The following ADAMTSL1 variants were observed in gnomAD, a reference collection of about 807,000 sequenced individuals.
The protein encoded by ADAMTSL1 is ADAMTS-like protein 1.
In ADAMTSL1, 126 loss-of-function variants were observed where a neutral mutation model predicts 201.8. The observed-to-expected ratio is 0.62, with a 90% CI of 0.54 to 0.72. The LOEUF (loss-of-function observed/expected upper bound fraction) is 0.72, where lower values mean the gene tolerates loss of function less well. Ranked by LOEUF, ADAMTSL1 falls within the 30% of genes least tolerant of loss-of-function variation. ADAMTSL1 has a pLI of 0.00. For missense variants in ADAMTSL1, 2,679 were observed against 2,277.8 expected (o/e 1.18, Z -3.59); for synonymous variants, 1,121 against 903.4 (o/e 1.24, Z -4.32).
chr9:17,937,157 C>G (rs903383292), intron 1 of ADAMTSL1, among the ~76,000 whole-genome samples: 5 of 152,138 alleles, frequency 3.3e-5, no homozygotes, highest in Non-Finnish European at 5.9e-5. Flanking sequence ...AAACAATAAG[C>G]TGTTTTTTGA....
At chr9:18,743,478 A>AT (rs965315750) in intron 15 of ADAMTSL1, among the ~76,000 whole-genome samples, 27 of 152,100 alleles carry the variant, frequency 1.8e-4, no homozygotes, top group African/African-American at 5.8e-4. Context: ...CATTGATTTT[A>AT]TTTTTTTTAA....
chr9:18,439,824 A>G (rs1242649052), intron 2 of ADAMTSL1, among the ~76,000 whole-genome samples: 2 of 152,166 alleles, frequency 1.3e-5, no homozygotes, highest in East Asian at 3.9e-4. Flanking sequence ...ATCCCATTTC[A>G]TCTTCATACA....
intron 5 of ADAMTSL1, among the ~76,000 whole-genome samples, chr9:18,626,125 C>T (rs1196675061): frequency 6.6e-6 from 1 of 152,134 alleles, no homozygotes; most frequent in South Asian, 2.1e-4. Context: ...ACAAGCCACT[C>T]AAGGATATAT....
At chr9:18,584,778 G>A (rs1265316961) in intron 4 of ADAMTSL1, among the ~76,000 whole-genome samples, 1 of 152,036 alleles carries the variant, frequency 6.6e-6, no homozygotes, top group Non-Finnish European at 1.5e-5. Flanking sequence ...GTATTGGTGG[G>A]CACCATCCAA....
chr9:18,512,151 T>G (rs1041127705), intron 2 of ADAMTSL1, among the ~76,000 whole-genome samples: 1 of 152,240 alleles, frequency 6.6e-6, no homozygotes, highest in Non-Finnish European at 1.5e-5. Flanking sequence ...GAGTTTGCAG[T>G]TGCCTTCCTT....
intron 1 of ADAMTSL1, among the ~76,000 whole-genome samples, chr9:17,990,172 C>T (rs565274123): frequency 8.6e-5 from 13 of 151,966 alleles, no homozygotes; most frequent in Non-Finnish European, 1.6e-4. Context: ...GGGAAGCCAT[C>T]TTGTAGGTTT....
intron 1 of ADAMTSL1, among the ~76,000 whole-genome samples, chr9:17,997,072 C>A (rs1057165391): frequency 7.9e-5 from 12 of 152,226 alleles, no homozygotes; most frequent in Admixed American, 7.9e-4. Flanking sequence ...AGTCTCAGGG[C>A]AGTTCTGTAT....
At position 18,657,853 on chromosome 9, in the gene ADAMTSL1, C is replaced by T. The variant is rs551710086; in HGVS notation, c.946+103C>T. ...CAGCATGGAAGAAATTTTGTGCTGT[C>T]TTGGACCAGATCCTTTCTTCTGAAC... On this transcript the variant is annotated intron_variant, in intron 8 of 28. Coordinates refer to ENST00000380548, the MANE Select transcript of ADAMTSL1 (RefSeq NM_001040272.6). The T allele has an allele frequency of 5.4e-5, 50 of 924,728 alleles. No individual in the cohort carries two copies. In the Middle Eastern group the frequency reaches 6.4e-4, roughly 12 times the overall value. The allele number at this position is 924,728 out of a possible 1,614,324, so 57.3% of individuals were successfully genotyped here. A position where few individuals can be genotyped will look rare whatever the true frequency, so the allele number is the denominator to read the frequency against.
intron 2 of ADAMTSL1, among the ~76,000 whole-genome samples, chr9:18,300,339 T>G (rs772279770): frequency 2.0e-5 from 3 of 152,044 alleles, no homozygotes; most frequent in African/African-American, 4.8e-5. Context: ...GAAACCATCA[T>G]TGTCAGCAAA....
intron 2 of ADAMTSL1, among the ~76,000 whole-genome samples, chr9:18,394,664 C>T (rs145071959): frequency 1.9e-3 from 285 of 151,926 alleles, no homozygotes; most frequent in African/African-American, 6.1e-3. Context: ...ATTATAAATT[C>T]AACATGGGTT....
chr9:18,805,568 A>G (rs866093321), intron 20 of ADAMTSL1, among the ~76,000 whole-genome samples: 9 of 152,318 alleles, frequency 5.9e-5, no homozygotes, highest in Middle Eastern at 6.8e-3. Flanking sequence ...CAGCCACTGT[A>G]GAAGTAGAAA....
At chr9:18,281,598 G>A (rs1157757682) in intron 2 of ADAMTSL1, among the ~76,000 whole-genome samples, 3 of 152,178 alleles carry the variant, frequency 2.0e-5, no homozygotes, top group African/African-American at 4.8e-5. Context: ...ATTGTCTATT[G>A]TTTTTCAGTA....
chr9:18,823,848 GC>G (rs1824366494), intron 21 of ADAMTSL1, among the ~76,000 whole-genome samples: 1 of 152,170 alleles, frequency 6.6e-6, no homozygotes, highest in African/African-American at 2.4e-5. Context: ...AATTAGCTGG[GC>G]GTGGTGGTGC....
intron 1 of ADAMTSL1, among the ~76,000 whole-genome samples, chr9:18,109,576 T>C (rs1054671036): frequency 6.6e-6 from 1 of 152,172 alleles, no homozygotes; most frequent in African/African-American, 2.4e-5. Context: ...TTCTTTGATA[T>C]TCAAAGGGTA....
Position 18,680,184 on chromosome 9 carries a change from G to GT in ADAMTSL1, c.1137-124dup, listed in dbSNP as rs1483756687. ...GGTTTCAGGCAATAGATGGCTTTTG[G>GT]TTTTCTGGACCTTAGCCTCTCAGAA... On this transcript the variant is annotated intron_variant, in intron 10 of 28. Transcript: ENST00000380548. 9.3e-6 allele frequency: 9 copies of GT among 965,068 alleles called. No homozygotes were observed. In the East Asian group the frequency reaches 2.1e-4, roughly 23 times the overall value. The allele number at this position is 965,068 out of a possible 1,614,324, so 59.8% of individuals were successfully genotyped here.
intron 19 of ADAMTSL1, among the ~76,000 whole-genome samples, chr9:18,791,858 C>T (rs576390742): frequency 6.8e-4 from 103 of 152,314 alleles, no homozygotes; most frequent in Non-Finnish European, 1.3e-3. Context: ...ATCCTTACCA[C>T]TCTGTGCCCT....
chr9:18,849,266 A>C (rs963196138), intron 23 of ADAMTSL1, among the ~76,000 whole-genome samples: 3 of 152,054 alleles, frequency 2.0e-5, no homozygotes, highest in African/African-American at 7.2e-5. Flanking sequence ...TTTCTATTCT[A>C]ATTGTAGCTT....
chr9:18,183,063 T>C (rs1390759258), intron 2 of ADAMTSL1, among the ~76,000 whole-genome samples: 4 of 152,192 alleles, frequency 2.6e-5, no homozygotes. Flanking sequence ...TAATCAGACT[T>C]TCTCTTTCTG....
intron 1 of ADAMTSL1, among the ~76,000 whole-genome samples, chr9:17,988,552 TTTTTC>T (rs1004516853): frequency 1.3e-5 from 2 of 151,462 alleles, no homozygotes; most frequent in African/African-American, 4.8e-5. Context: ...TTATTGTTCT[TTTTTC>T]TTTTCTTTTT....
Sources: gnomAD v4.1 joint callset for allele counts (sites outside exome capture counted in the v4.1 genomes callset) on GRCh38, gnomAD v4.1.1 for gene constraint, MANE v1.5 for transcripts, NCBI Gene and HGNC (gene_info 2026-07-23, HGNC 2026-07-21) for gene names.